Variants in MRAP2 observed in about 807,000 individuals in gnomAD.
MRAP2 encodes melanocortin 2 receptor accessory protein 2, also known as melanocortin-2 receptor accessory protein 2.
MRAP2 carries 20 observed loss-of-function variants against 17.4 expected under a neutral mutation model. The ratio of observed to expected loss-of-function variants is 1.15; its 90% CI spans 0.81 to 1.67. The LOEUF (loss-of-function observed/expected upper bound fraction) is 1.67. MRAP2 is among the 40% of genes most tolerant of loss of function. MRAP2 has a pLI of 0.00. For synonymous variants in MRAP2, 96 were observed against 88.4 expected (o/e 1.09, Z -0.48); for missense variants, 238 against 240.0 (o/e 0.99, Z 0.05).
At chr6:84,053,765 G>C (rs2099491037) in intron 1 of MRAP2, among the ~76,000 whole-genome samples, 4 of 152,148 alleles carry the variant, frequency 2.6e-5, no homozygotes, top group Admixed American at 2.6e-4. Flanking sequence ...CATGTTACTA[G>C]TGGGAAAACT....
intron 3 of MRAP2, among the ~76,000 whole-genome samples, chr6:84,084,926 A>AC: frequency 9.7e-6 from 1 of 103,212 alleles, no homozygotes; most frequent in African/African-American, 4.0e-5. Context: ...TATTTATTTT[A>AC]TTTTACTTTA....
At chr6:84,034,443 G>A (rs1405488285) in intron 1 of MRAP2, among the ~76,000 whole-genome samples, 4 of 151,956 alleles carry the variant, frequency 2.6e-5, no homozygotes, top group African/African-American at 7.3e-5. Flanking sequence ...ACTGATTAGA[G>A]GGAAATAGGG....
intron 3 of MRAP2, among the ~76,000 whole-genome samples, chr6:84,072,045 A>G (rs1338052533): frequency 6.6e-6 from 1 of 152,170 alleles, no homozygotes; most frequent in Non-Finnish European, 1.5e-5. Context: ...GATTAGCTTA[A>G]TAACTAACCT....
chr6:84,035,461 C>T, intron 1 of MRAP2: 1 of 973,360 alleles, frequency 1.0e-6, no homozygotes, highest in African/African-American at 1.8e-5. Context: ...CCATTGTCTT[C>T]AAATGTGGGC....
At chr6:84,138,172 T>C in the MRAP2 span, among the ~76,000 whole-genome samples, 223 of 152,322 alleles carry the variant, frequency 1.5e-3, no homozygotes, top group Non-Finnish European at 2.3e-3. Flanking sequence ...CGATGTATAG[T>C]GTACTTTCAC....
downstream of MRAP2, among the ~76,000 whole-genome samples, chr6:84,092,252 C>T (rs1311085124): frequency 6.6e-6 from 1 of 152,302 alleles, no homozygotes; most frequent in South Asian, 2.1e-4. Flanking sequence ...CCTTTTGCCA[C>T]ATAAGGCTAC....
At chr6:84,039,112 T>G (rs1349467684) in intron 1 of MRAP2, among the ~76,000 whole-genome samples, 1 of 152,232 alleles carries the variant, frequency 6.6e-6, no homozygotes, top group African/African-American at 2.4e-5. Context: ...GAGTCAGGCT[T>G]TATAAGACTG....
chr6:84,089,619 C>T lies in MRAP2; in HGVS notation c.*138C>T. The stretch of plus-strand genomic sequence containing the variant: ...AGAGACAGAGAGGCAGAGAAGAGAC[C>T]CCTTTAGAAGAGAGCTGAGCTGATT... On this transcript the variant is annotated 3_prime_UTR_variant, in exon 4 of 4. Transcript: ENST00000257776. The T allele has an allele frequency of 2.0e-6, 2 of 1,025,618 alleles. No homozygotes were observed. Among genetic ancestry groups the T allele is most frequent in the Non-Finnish European group, 2.8e-6 (2 of 712,314 alleles). The allele number at this position is 1,025,618 out of a possible 1,614,324, so 63.5% of individuals were successfully genotyped here. A position where few individuals can be genotyped will look rare whatever the true frequency, so the allele number is the denominator to read the frequency against.
intron 3 of MRAP2, among the ~76,000 whole-genome samples, chr6:84,080,059 A>C (rs1408463391): frequency 1.3e-5 from 2 of 149,682 alleles, no homozygotes; most frequent in Non-Finnish European, 1.5e-5. Flanking sequence ...TTTGAGATGG[A>C]ATCTTGCTTG....
chr6:84,057,396 G>A (rs2099491957), intron 2 of MRAP2, among the ~76,000 whole-genome samples: 1 of 152,204 alleles, frequency 6.6e-6, no homozygotes, highest in African/African-American at 2.4e-5. Flanking sequence ...TACCTGTAAT[G>A]GATCACACTT....
chr6:84,140,923 A>G, the MRAP2 span, among the ~76,000 whole-genome samples: 1 of 152,134 alleles, frequency 6.6e-6, no homozygotes, highest in East Asian at 1.9e-4. Flanking sequence ...CAATTCTTCC[A>G]CGGAAAGAGG....
chr6:84,073,891 T>TG (rs1562886704), intron 3 of MRAP2, among the ~76,000 whole-genome samples: 2 of 151,124 alleles, frequency 1.3e-5, no homozygotes, highest in Non-Finnish European at 2.9e-5. Flanking sequence ...TGTGTGTGTT[T>TG]TTTTTTTTTT....
the MRAP2 span, among the ~76,000 whole-genome samples, chr6:84,121,534 A>G: frequency 0.042 from 6,458 of 152,256 alleles, 196 homozygotes; most frequent in Admixed American, 0.086. Context: ...AATCTCAGCT[A>G]CTTGGAGGCT....
At chr6:84,060,852 A>ATTT (rs771171189) in intron 2 of MRAP2, among the ~76,000 whole-genome samples, 3,314 of 119,336 alleles carry the variant, frequency 0.028, 130 homozygotes, top group African/African-American at 0.042. Flanking sequence ...CACCCGGCTA[A>ATTT]TTTTTTTTTT....
chr6:84,145,692 C>T, the MRAP2 span, among the ~76,000 whole-genome samples: 9 of 152,174 alleles, frequency 5.9e-5, no homozygotes, highest in Non-Finnish European at 1.2e-4. Context: ...CATTTAACTG[C>T]CCTTTTCCTG....
intron 1 of MRAP2, among the ~76,000 whole-genome samples, chr6:84,036,219 C>G (rs936570338): frequency 3.3e-5 from 5 of 151,524 alleles, no homozygotes; most frequent in Non-Finnish European, 7.4e-5. Context: ...ACTCTTGAAC[C>G]CACTGGTTAC....
intron 1 of MRAP2, chr6:84,035,401 C>A: frequency 1.0e-6 from 1 of 984,372 alleles, no homozygotes; most frequent in Non-Finnish European, 1.2e-6. Context: ...AAACCAACTC[C>A]CTTCCCTTTT....
chr6:84,134,508 T>C, the MRAP2 span, among the ~76,000 whole-genome samples: 8 of 152,336 alleles, frequency 5.3e-5, 1 homozygote. Context: ...GGTGTGTGCA[T>C]TGCGAAGACC....
chr6:84,121,535 C>T, the MRAP2 span, among the ~76,000 whole-genome samples: 1 of 152,152 alleles, frequency 6.6e-6, no homozygotes, highest in Non-Finnish European at 1.5e-5. Flanking sequence ...ATCTCAGCTA[C>T]TTGGAGGCTG....
Sources: gnomAD v4.1 joint callset for allele counts (sites outside exome capture counted in the v4.1 genomes callset) on GRCh38, gnomAD v4.1.1 for gene constraint, MANE v1.5 for transcripts, NCBI Gene and HGNC (gene_info 2026-07-23, HGNC 2026-07-21) for gene names.